The following ADAMTS12 variants were observed in gnomAD, a reference collection of about 807,000 sequenced individuals.
ADAMTS12 encodes the protein A disintegrin and metalloproteinase with thrombospondin motifs 12.
A neutral mutation model predicts 167.8 loss-of-function variants in ADAMTS12; 118 were observed. The observed-to-expected ratio is 0.70, with a 90% CI of 0.61 to 0.82. The LOEUF (loss-of-function observed/expected upper bound fraction) is 0.82, where lower values mean the gene tolerates loss of function less well. Among genes scored for constraint, ADAMTS12 ranks in the 40% least tolerant of loss-of-function variants. ADAMTS12 has a pLI of 0.00. For synonymous variants in ADAMTS12, 704 were observed against 716.9 expected, an observed-to-expected ratio of 0.98 and a Z score of 0.29; for missense variants, 1,916 against 1,998.8, an observed-to-expected ratio of 0.96 and a Z score of 0.79.
chr5:33,648,997 T>G (rs1423937522), intron 8 of ADAMTS12, 31 bp from the exon 9 acceptor site: 5 of 1,601,866 alleles, frequency 3.1e-6, no homozygotes, highest in Non-Finnish European at 4.3e-6. Flanking sequence ...ATGAGAGGAG[T>G]TGTTTAGGAT....
At chr5:33,717,678 T>C (rs1561232202) in intron 3 of ADAMTS12, among the ~76,000 whole-genome samples, 1 of 152,194 alleles carries the variant, frequency 6.6e-6, no homozygotes, top group Non-Finnish European at 1.5e-5. Context: ...CTAATCTTGA[T>C]ATCTTTATTA....
intron 16 of ADAMTS12, among the ~76,000 whole-genome samples, chr5:33,597,666 T>A (rs188742147): frequency 7.1e-6 from 1 of 139,922 alleles, no homozygotes; most frequent in Non-Finnish European, 1.6e-5. Context: ...AGTAAGTAAA[T>A]CCTTTAAAAA....
chr5:33,726,465 GA>G (rs1270897283), intron 3 of ADAMTS12, among the ~76,000 whole-genome samples: 1 of 152,142 alleles, frequency 6.6e-6, no homozygotes, highest in East Asian at 1.9e-4. Context: ...CTGAGGGGGA[GA>G]AAAAAAGATT....
At chr5:33,637,473 G>T (rs1740247366) in intron 12 of ADAMTS12, 104 bp downstream of exon 12, 5 of 1,218,832 alleles carry the variant, frequency 4.1e-6, no homozygotes, top group Non-Finnish European at 5.6e-6. Context: ...GTGTACAATT[G>T]TCTTTGTTAA....
chr5:33,544,547 G>T (rs1446439917), intron 22 of ADAMTS12, among the ~76,000 whole-genome samples: 3 of 152,036 alleles, frequency 2.0e-5, no homozygotes, highest in African/African-American at 7.2e-5. Context: ...AGAGCCTGCA[G>T]TGCCAAGTCA....
chr5:33,569,390 G>T (rs1312017492), intron 19 of ADAMTS12, among the ~76,000 whole-genome samples: 1 of 152,188 alleles, frequency 6.6e-6, no homozygotes, highest in East Asian at 1.9e-4. Context: ...GTACTCCTCT[G>T]AGACAAAACT....
At chr5:33,746,645 T>A (rs1293142715) in intron 3 of ADAMTS12, among the ~76,000 whole-genome samples, 1 of 152,220 alleles carries the variant, frequency 6.6e-6, no homozygotes, top group African/African-American at 2.4e-5. Flanking sequence ...AAGTAAAAGA[T>A]GCAGCATGAT....
intron 5 of ADAMTS12, among the ~76,000 whole-genome samples, chr5:33,680,182 A>T (rs1019161540): frequency 2.0e-5 from 3 of 152,208 alleles, no homozygotes; most frequent in African/African-American, 7.2e-5. Flanking sequence ...GAAGCAAGTC[A>T]TGTGTGTCTC....
intron 3 of ADAMTS12, among the ~76,000 whole-genome samples, chr5:33,744,780 C>T (rs1481879153): frequency 6.6e-6 from 1 of 152,156 alleles, no homozygotes; most frequent in Non-Finnish European, 1.5e-5. Flanking sequence ...AGCTTTGAAG[C>T]TAGAAATGTT....
chr5:33,781,392 T>C (rs945045780), intron 2 of ADAMTS12, among the ~76,000 whole-genome samples: 3 of 152,166 alleles, frequency 2.0e-5, no homozygotes, highest in Non-Finnish European at 4.4e-5. Flanking sequence ...ACAGGGATCT[T>C]ACTAAATGCC....
chr5:33,696,266 A>C (rs1339381575), intron 3 of ADAMTS12, among the ~76,000 whole-genome samples: 1 of 151,342 alleles, frequency 6.6e-6, no homozygotes, highest in Non-Finnish European at 1.5e-5. Flanking sequence ...CTAAAAATAC[A>C]AAAAATTAGC....
intron 3 of ADAMTS12, among the ~76,000 whole-genome samples, chr5:33,709,413 C>T (rs12520852): frequency 0.61 from 92,853 of 152,038 alleles, 29,528 homozygotes; most frequent in Non-Finnish European, 0.69. Context: ...CATATGTTCA[C>T]TGCAGCACTA....
intron 2 of ADAMTS12, among the ~76,000 whole-genome samples, chr5:33,877,500 T>C (rs1391334155): frequency 6.6e-6 from 1 of 152,138 alleles, no homozygotes; most frequent in Non-Finnish European, 1.5e-5. Flanking sequence ...GAGGATAAAT[T>C]CAGAATCTAA....
At chr5:33,590,703 T>C (rs939583045) in intron 17 of ADAMTS12, among the ~76,000 whole-genome samples, 1 of 152,224 alleles carries the variant, frequency 6.6e-6, no homozygotes, top group Non-Finnish European at 1.5e-5. Flanking sequence ...AGTCTCGAAC[T>C]CCTGCGCTCA....
chr5:33,534,835 G>A lies in ADAMTS12; in HGVS notation c.4604C>T (p.Ala1535Val). ...KCNQQACKKS[A>V]DLLCTKDKLS... is the part of the protein sequence containing the mutation. The stretch of plus-strand genomic sequence containing the variant: ...CCCGAGCAAACCCATTCACCCACCG[G>A]CACTTTTCTTGCAGGCCTGCTGGTT... Residue 1535 changes from alanine to valine, a missense_variant and splice_region_variant, in exon 23 of 24, where the codon GCC becomes GTC. Ala to Val is a moderately conservative substitution (Grantham distance 64, BLOSUM62 0). Transcript: ENST00000504830. The A allele has an allele frequency of 6.2e-7, 1 of 1,611,630 alleles. No homozygotes were observed. The highest frequency in any genetic ancestry group is 1.1e-5 in the South Asian group (1 of 90,462).
At position 33,626,833 on chromosome 5, in the gene ADAMTS12, T is replaced by C. The variant is rs1038586128; in HGVS notation, c.2023-2482A>G. Among the ~76,000 whole-genome samples, 3 of 147,578 alleles carry C rather than the reference T, an allele frequency of 2.0e-5. No individual in the cohort carries two copies. In the East Asian group the frequency reaches 6.2e-4, roughly 30 times the overall value. ...AGTGGTGATTTGACGATGGTGGTGGTGGTGATGTGGTAATGGTGGTGGTGA... is the reference window on the plus strand; with the variant it reads ...AGTGGTGATTTGACGATGGTGGTGGCGGTGATGTGGTAATGGTGGTGGTGA... On this transcript the variant is annotated intron_variant, in intron 13 of 23. Coordinates refer to ENST00000504830, the MANE Select transcript of ADAMTS12 (RefSeq NM_030955.4).
chr5:33,588,148 T>C (rs1217316580), intron 18 of ADAMTS12, among the ~76,000 whole-genome samples: 18 of 152,214 alleles, frequency 1.2e-4, no homozygotes, highest in Non-Finnish European at 4.4e-5. Flanking sequence ...ACTTGACACA[T>C]GGTGAATAGA....
chr5:33,844,802 G>A (rs1748882300), intron 2 of ADAMTS12, among the ~76,000 whole-genome samples: 1 of 151,994 alleles, frequency 6.6e-6, no homozygotes, highest in Non-Finnish European at 1.5e-5. Context: ...CGGCTTGTGG[G>A]GCATCACGGA....
chr5:33,612,792 T>A (rs1561167667), intron 16 of ADAMTS12, among the ~76,000 whole-genome samples: 1 of 152,226 alleles, frequency 6.6e-6, no homozygotes, highest in South Asian at 2.1e-4. Context: ...GTGGTAGGAA[T>A]GGCAGGACTG....
Sources: gnomAD v4.1 joint callset for allele counts (sites outside exome capture counted in the v4.1 genomes callset) on GRCh38, gnomAD v4.1.1 for gene constraint, MANE v1.5 for transcripts, NCBI Gene and HGNC (gene_info 2026-07-23, HGNC 2026-07-21) for gene names.